DOCK4: variants seen among roughly 807,000 people sequenced by gnomAD.
The protein encoded by DOCK4 is dedicator of cytokinesis 4.
In DOCK4, 97 loss-of-function variants were observed where a neutral mutation model predicts 268.1. That is an observed-to-expected ratio of 0.36 (90% CI 0.31 to 0.43). The LOEUF (loss-of-function observed/expected upper bound fraction) is 0.43. DOCK4 is among the 20% of genes least tolerant of loss of function. DOCK4 has a pLI of 1.00. For synonymous variants in DOCK4, 954 were observed against 887.2 expected (o/e 1.08, Z -1.34); for missense variants, 2,145 against 2,455.7 (o/e 0.87, Z 2.67).
intron 12 of DOCK4, among the ~76,000 whole-genome samples, chr7:111,932,998 C>A (rs2134685223): frequency 6.6e-6 from 1 of 151,464 alleles, no homozygotes; most frequent in East Asian, 2.0e-4. Flanking sequence ...GCTCTACTAT[C>A]TTACTGAGGG....
intron 1 of DOCK4, among the ~76,000 whole-genome samples, chr7:112,056,387 A>G (rs1805821928): frequency 6.6e-6 from 1 of 152,190 alleles, no homozygotes; most frequent in Admixed American, 6.5e-5. Context: ...TACAAAATAG[A>G]TAACAGATAT....
intron 8 of DOCK4, among the ~76,000 whole-genome samples, chr7:111,972,682 G>A (rs879833016): frequency 4.0e-5 from 6 of 151,026 alleles, no homozygotes; most frequent in Admixed American, 6.6e-5. Flanking sequence ...CCTTTTTTAC[G>A]TTTTTTAGCA....
intron 20 of DOCK4, 29 bp from the exon 21 acceptor site, chr7:111,869,684 G>A (rs1362249996): frequency 6.3e-7 from 1 of 1,595,850 alleles, no homozygotes; most frequent in Non-Finnish European, 8.6e-7. Context: ...TGTGCAGAAT[G>A]TAAAATTGGT....
intron 8 of DOCK4, among the ~76,000 whole-genome samples, chr7:111,972,646 T>G (rs897096232): frequency 6.6e-6 from 1 of 152,144 alleles, no homozygotes; most frequent in African/African-American, 2.4e-5. Flanking sequence ...ACTGAAGCCA[T>G]AAAGATTATG....
chr7:112,120,881 T>C (rs1812669935), intron 1 of DOCK4, among the ~76,000 whole-genome samples: 1 of 152,202 alleles, frequency 6.6e-6, no homozygotes, highest in African/African-American at 2.4e-5. Flanking sequence ...TTCCAAGGCC[T>C]GAAATACATA....
At chr7:111,948,306 C>G (rs1302291324) in intron 8 of DOCK4, among the ~76,000 whole-genome samples, 1 of 152,116 alleles carries the variant, frequency 6.6e-6, no homozygotes, top group East Asian at 1.9e-4. Context: ...AGCAAGGATT[C>G]TATTCCATGT....
At chr7:111,879,728 T>C (rs1428857593) in intron 16 of DOCK4, among the ~76,000 whole-genome samples, 1 of 151,724 alleles carries the variant, frequency 6.6e-6, no homozygotes, top group Admixed American at 6.6e-5. Context: ...AACAAAGAGA[T>C]TGAAATAATT....
rs1794824585 is a variant in DOCK4 at position 111,728,526 on chromosome 7, G to A, written c.5676C>T (p.Pro1892=). 3 of 1,613,454 alleles carry A rather than the reference G, an allele frequency of 1.9e-6. No individual in the cohort carries two copies. The highest frequency in any genetic ancestry group is 1.7e-5 in the Admixed American group (1 of 60,028). Residue 1892 remains proline, a synonymous_variant, in exon 53 of 53, where the codon CCC becomes CCT. Coordinates refer to ENST00000428084, the MANE Select transcript of DOCK4 (RefSeq NM_001363540.2). The stretch of plus-strand genomic sequence containing the variant: ...GCTCCTCCCCGCCGTAGCTCGGCAC[G>A]GGCACCGGCACTGGCACCGGCAGGG... The part of the protein sequence containing the change: ...SAPLPVPVPV[P]VPSYGGEEPV...
At position 111,739,126 on chromosome 7, in the gene DOCK4, AG is replaced by A; in HGVS notation, c.5232+7del. The A allele has an allele frequency of 6.2e-7, 1 of 1,607,180 alleles. No individual in the cohort carries two copies. The highest frequency in any genetic ancestry group is 8.5e-7 in the Non-Finnish European group (1 of 1,173,818). On this transcript the variant is annotated splice_region_variant and intron_variant, in intron 49 of 52. Coordinates refer to ENST00000428084, the MANE Select transcript of DOCK4 (RefSeq NM_001363540.2). ...TGTTTTCTAGTTTCTCTACCCTACA[AG>A]GAGTACCTGCGAAGGCTCCACAGGT...
intron 1 of DOCK4, among the ~76,000 whole-genome samples, chr7:112,190,771 T>G (rs1250039961): frequency 1.3e-5 from 2 of 152,120 alleles, no homozygotes; most frequent in Non-Finnish European, 2.9e-5. Flanking sequence ...GTCCAAAGCA[T>G]GTACTAGAGA....
intron 1 of DOCK4, among the ~76,000 whole-genome samples, chr7:112,033,147 T>C (rs1334004701): frequency 6.6e-6 from 1 of 152,122 alleles, no homozygotes; most frequent in Non-Finnish European, 1.5e-5. Context: ...AAGCAAATAA[T>C]TCCAAGTGAA....
At chr7:111,756,108 G>A (rs149978122) in intron 41 of DOCK4, among the ~76,000 whole-genome samples, 1 of 152,264 alleles carries the variant, frequency 6.6e-6, no homozygotes, top group African/African-American at 2.4e-5. Context: ...CAGCACTTTG[G>A]GAGGCCAAGG....
chr7:112,130,038 G>A (rs79347144), intron 1 of DOCK4, among the ~76,000 whole-genome samples: 302 of 152,234 alleles, frequency 2.0e-3, no homozygotes, highest in Middle Eastern at 3.4e-3. Flanking sequence ...ATCTAGACAC[G>A]GAGCCACTTT....
At chr7:111,990,774 C>T (rs1799457681) in intron 5 of DOCK4, among the ~76,000 whole-genome samples, 1 of 152,208 alleles carries the variant, frequency 6.6e-6, no homozygotes, top group South Asian at 2.1e-4. Flanking sequence ...ACACAATACT[C>T]TTGTAATTAA....
At chr7:111,772,465 T>C (rs1798181728) in intron 36 of DOCK4, among the ~76,000 whole-genome samples, 1 of 152,050 alleles carries the variant, frequency 6.6e-6, no homozygotes, top group African/African-American at 2.4e-5. Flanking sequence ...CACTTAAAAA[T>C]GGTTAAGATG....
intron 1 of DOCK4, among the ~76,000 whole-genome samples, chr7:112,118,070 G>A (rs936010804): frequency 1.3e-5 from 2 of 151,886 alleles, no homozygotes; most frequent in African/African-American, 4.8e-5. Context: ...AATTCATTTT[G>A]CTTATTGAAC....
intron 1 of DOCK4, among the ~76,000 whole-genome samples, chr7:112,074,446 A>G (rs752519079): frequency 6.6e-6 from 1 of 152,166 alleles, no homozygotes; most frequent in Non-Finnish European, 1.5e-5. Flanking sequence ...TTGTCTACCA[A>G]CTACAAATTC....
chr7:112,001,519 G>T (rs1364754861), intron 2 of DOCK4, among the ~76,000 whole-genome samples: 1 of 151,972 alleles, frequency 6.6e-6, no homozygotes, highest in Non-Finnish European at 1.5e-5. Flanking sequence ...TGGCTCCAAG[G>T]CACAAGAGTA....
intron 8 of DOCK4, among the ~76,000 whole-genome samples, chr7:111,965,612 CT>C (rs1280180355): frequency 4.0e-5 from 2 of 49,848 alleles, no homozygotes; most frequent in Non-Finnish European, 6.0e-5. Flanking sequence ...TAATGGGAGA[CT>C]TTAACACCCC....
Sources: allele counts gnomAD v4.1 joint callset (sites outside exome capture counted in the v4.1 genomes callset), GRCh38; gene constraint gnomAD v4.1.1; transcripts MANE v1.5; gene names NCBI Gene and HGNC (gene_info 2026-07-23, HGNC 2026-07-21).